The following CDIN1 variants were observed in gnomAD, a reference collection of about 807,000 sequenced individuals.
The protein encoded by CDIN1 is CDAN1 interacting nuclease 1.
A neutral mutation model predicts 45.3 loss-of-function variants in CDIN1; 33 were observed. The observed-to-expected ratio is 0.73, with a 90% confidence interval of 0.55 to 0.97. The LOEUF (loss-of-function observed/expected upper bound fraction) is 0.97. Ranked by LOEUF, CDIN1 falls within the 50% of genes least tolerant of loss-of-function variation. CDIN1 has a pLI of 0.00. For missense variants in CDIN1, 303 were observed against 339.4 expected (o/e 0.89, Z 0.84); for synonymous variants, 118 against 124.4 (o/e 0.95, Z 0.34).
intron 6 of CDIN1, 24 bp from the exon 7 acceptor site, chr15:36,692,102 A>G: frequency 2.5e-6 from 4 of 1,612,524 alleles, no homozygotes; most frequent in Admixed American, 1.7e-5. Flanking sequence ...CCCACCCCAG[A>G]CCCCTTTTCT....
chr15:36,661,693 T>G (rs1263766832), intron 5 of CDIN1, among the ~76,000 whole-genome samples: 1 of 152,176 alleles, frequency 6.6e-6, no homozygotes, highest in East Asian at 1.9e-4. Context: ...GCTCCCTGAT[T>G]TTAGCACAGG....
At position 36,808,464 on chromosome 15, in the gene CDIN1, C is replaced by T; in HGVS notation, c.*11C>T. On this transcript the variant is annotated 3_prime_UTR_variant, in exon 11 of 11. Transcript: ENST00000566621. ...CACAGCATAGCTTGACCCTGAAGATCCTGGAAGAGAAGCTGGGAGGAAAAG... is the reference window on the plus strand; with the variant it reads ...CACAGCATAGCTTGACCCTGAAGATTCTGGAAGAGAAGCTGGGAGGAAAAG... The T allele has an allele frequency of 6.2e-7, 1 of 1,613,020 alleles. No homozygotes were observed. The highest frequency in any genetic ancestry group is 8.5e-7 in the Non-Finnish European group (1 of 1,179,342).
At chr15:36,774,173 C>CAT (rs2054158550) in intron 10 of CDIN1, among the ~76,000 whole-genome samples, 2 of 137,950 alleles carry the variant, frequency 1.4e-5, no homozygotes, top group African/African-American at 7.0e-5. Flanking sequence ...TGCGCGCGCG[C>CAT]GCATGCATGA....
At chr15:36,617,746 A>G (rs1031094754) in intron 1 of CDIN1, 1 of 803,216 alleles carries the variant, frequency 1.2e-6, no homozygotes, top group Non-Finnish European at 2.2e-6. Context: ...GCTTTGTTCA[A>G]ATTGAAAACT....
intron 1 of CDIN1, among the ~76,000 whole-genome samples, chr15:36,612,472 C>T (rs1263170591): frequency 6.6e-6 from 1 of 152,046 alleles, no homozygotes; most frequent in East Asian, 1.9e-4. Context: ...CGAACCTCAC[C>T]CCATCTATTA....
chr15:36,746,069 C>G (rs1354175508), intron 10 of CDIN1, among the ~76,000 whole-genome samples: 1 of 152,070 alleles, frequency 6.6e-6, no homozygotes, highest in East Asian at 1.9e-4. Context: ...GGAACAGGAT[C>G]CAGGTAAAGA....
At chr15:36,693,624 A>G (rs1303713227) in intron 7 of CDIN1, among the ~76,000 whole-genome samples, 2 of 152,196 alleles carry the variant, frequency 1.3e-5, no homozygotes, top group Non-Finnish European at 2.9e-5. Context: ...AAATATAACT[A>G]TCTAATTATG....
intron 10 of CDIN1, chr15:36,746,830 G>A (rs895154030): frequency 1.6e-5 from 4 of 256,316 alleles, no homozygotes; most frequent in African/African-American, 2.7e-5. Flanking sequence ...CAGCATTCGC[G>A]TCCCCCTCTT....
intron 10 of CDIN1, among the ~76,000 whole-genome samples, chr15:36,753,328 C>T (rs2053524516): frequency 6.6e-6 from 1 of 152,080 alleles, no homozygotes; most frequent in Non-Finnish European, 1.5e-5. Context: ...AAATGGGAAA[C>T]CTGGAGCCCC....
At chr15:36,642,011 A>G (rs1191869745) in intron 1 of CDIN1, 1 of 152,260 alleles carries the variant, frequency 6.6e-6, no homozygotes, top group Non-Finnish European at 1.5e-5. Context: ...TGGCCGAAAC[A>G]GATCAAACAC....
In CDIN1 at chr15:36,707,468, C is replaced by T. The variant is rs545820045; in HGVS notation, c.545-1755C>T. Reference sequence around the variant, plus strand: ...ATTGTTAATTCTCATATTAAGTCACCCATGCAATTTAAATTGTAGATATTA... The same window carrying T: ...ATTGTTAATTCTCATATTAAGTCACTCATGCAATTTAAATTGTAGATATTA... On this transcript the variant is annotated intron_variant, in intron 8 of 10. Coordinates refer to ENST00000566621, the MANE Select transcript of CDIN1 (RefSeq NM_001321759.2). 1.1e-3 allele frequency: 160 copies of T among 152,192 alleles called. 1 individual carries two copies. Among genetic ancestry groups the T allele is most frequent in the African/African-American group, 3.6e-3 (151 of 41,532 alleles). The allele number at this position is 152,192 out of a possible 1,614,324, so 9.4% of individuals were successfully genotyped here.
intron 10 of CDIN1, among the ~76,000 whole-genome samples, chr15:36,742,286 A>C (rs1198967503): frequency 6.6e-6 from 1 of 152,230 alleles, no homozygotes; most frequent in Non-Finnish European, 1.5e-5. Context: ...GTATAAATGG[A>C]ATAATATGTA....
chr15:36,787,689 A>G lies in CDIN1; in HGVS notation c.717-20635A>G, dbSNP rs149402468. Among the ~76,000 whole-genome samples the G allele has an allele frequency of 3.3e-3, 510 of 152,250 alleles. 1 individual carries two copies. The highest frequency in any genetic ancestry group is 5.4e-3 in the Non-Finnish European group (366 of 68,008). ...ATACTTTTATATCTTCTTAGTATTA[A>G]TTCTGAAAATTAGATTTTAATCGTA... On this transcript the variant is annotated intron_variant, in intron 10 of 10. Transcript: ENST00000566621.
At chr15:36,763,220 T>C (rs1006079823) in intron 10 of CDIN1, among the ~76,000 whole-genome samples, 1 of 152,224 alleles carries the variant, frequency 6.6e-6, no homozygotes, top group Non-Finnish European at 1.5e-5. Context: ...TTGTGGTTTT[T>C]ATTTGCATTT....
chr15:36,800,905 GTGTGTATATATATATATATA>G (rs1436518313), intron 10 of CDIN1, among the ~76,000 whole-genome samples: 6 of 22,102 alleles, frequency 2.7e-4, no homozygotes, highest in African/African-American at 6.0e-4. Flanking sequence ...GTGTGTGTGT[GTGTGTATATATATATATATA>G]TATATATATA....
intron 5 of CDIN1, among the ~76,000 whole-genome samples, chr15:36,666,095 A>G (rs1212314921): frequency 6.6e-6 from 1 of 152,096 alleles, no homozygotes; most frequent in East Asian, 1.9e-4. Context: ...GCCAAATTAT[A>G]TTGTATCTTT....
chr15:36,808,206 C>A, intron 10 of CDIN1, 118 bp from the exon 11 acceptor site: 1 of 1,466,560 alleles, frequency 6.8e-7, no homozygotes, highest in East Asian at 2.3e-5. Context: ...TGGTAGCAAC[C>A]AAAACAAAAA....
At chr15:36,778,454 G>A (rs2054273213) in intron 10 of CDIN1, among the ~76,000 whole-genome samples, 1 of 152,062 alleles carries the variant, frequency 6.6e-6, no homozygotes, top group African/African-American at 2.4e-5. Flanking sequence ...TTTTAATAAG[G>A]CTCCCTTCCA....
chr15:36,692,018 G>A (rs1566904814), intron 6 of CDIN1, 108 bp from the exon 7 acceptor site: 1 of 1,113,684 alleles, frequency 9.0e-7, no homozygotes, highest in Non-Finnish European at 1.2e-6. Flanking sequence ...TCTTTTTTTG[G>A]GGGGCGGGGG....
Sources: gnomAD v4.1 joint callset for allele counts (sites outside exome capture counted in the v4.1 genomes callset) on GRCh38, gnomAD v4.1.1 for gene constraint, MANE v1.5 for transcripts, NCBI Gene and HGNC (gene_info 2026-07-23, HGNC 2026-07-21) for gene names.